POLI: variants seen among roughly 807,000 people sequenced by gnomAD.
POLI encodes the protein RAD30 homolog B.
POLI carries 58 observed loss-of-function variants against 51.6 expected under a neutral mutation model. That is an observed-to-expected ratio of 1.12 (90% CI 0.91 to 1.40). The LOEUF (loss-of-function observed/expected upper bound fraction) is 1.40, where lower values mean the gene tolerates loss of function less well. POLI is among the 40% of genes most tolerant of loss of function. POLI has a pLI of 0.00. For synonymous variants in POLI, 322 were observed against 299.7 expected, an observed-to-expected ratio of 1.07 and a Z score of -0.77; for missense variants, 921 against 871.3, an observed-to-expected ratio of 1.06 and a Z score of -0.72.
chr18:54,296,378 T>C lies in POLI; in HGVS notation c.*1911T>C. ...GTGGTTTTAAGTTAGTCTCAACATC[T>C]TTGGGCCTCAGAATCAACTTTTTTA... On this transcript the variant is annotated 3_prime_UTR_variant, in exon 10 of 10. Coordinates refer to ENST00000579534, the MANE Select transcript of POLI (RefSeq NM_007195.3). The C allele has an allele frequency of 1.0e-6, 1 of 984,916 alleles. No individual in the cohort carries two copies. Among genetic ancestry groups the C allele is most frequent in the Non-Finnish European group, 1.2e-6 (1 of 829,444 alleles). 61.0% of individuals were successfully genotyped at this position (984,916 alleles called of 1,614,324 possible).
At chr18:54,310,714 A>G (rs938801304) in intron 3 of POLI, among the ~76,000 whole-genome samples, 1 of 152,188 alleles carries the variant, frequency 6.6e-6, no homozygotes, top group Admixed American at 6.5e-5. Flanking sequence ...TTTTAAAAAT[A>G]TGTTAAAAGC....
Position 54,295,052 on chromosome 18 carries a change from A to T in POLI, c.*585A>T. On this transcript the variant is annotated 3_prime_UTR_variant, in exon 10 of 10. Transcript: ENST00000579534. ...AGCACACAAAGGCCGTTCAATAAACATTGAATGAATGAATGGTTTGGCTAG... is the reference window on the plus strand; with the variant it reads ...AGCACACAAAGGCCGTTCAATAAACTTTGAATGAATGAATGGTTTGGCTAG... 1.0e-6 allele frequency: 1 copy of T among 985,498 alleles called. No individual in the cohort carries two copies. The highest frequency in any genetic ancestry group is 1.7e-5 in the African/African-American group (1 of 57,344). The allele number at this position is 985,498 out of a possible 1,614,324, so 61.0% of individuals were successfully genotyped here. A position where few individuals can be genotyped will look rare whatever the true frequency, so the allele number is the denominator to read the frequency against.
chr18:54,295,101 A>T lies in POLI; in HGVS notation c.*634A>T. ...AGGGCCAGGGTGGGGAGTTAAAGTG[A>T]GAGGAGGGTATATGTTATAGAGAAC... On this transcript the variant is annotated 3_prime_UTR_variant, in exon 10 of 10. Transcript: ENST00000579534. The T allele has an allele frequency of 1.0e-6, 1 of 985,486 alleles. No homozygotes were observed. The highest frequency in any genetic ancestry group is 1.1e-4 in the East Asian group (1 of 8,812). The allele number at this position is 985,486 out of a possible 1,614,324, so 61.0% of individuals were successfully genotyped here.
intron 8 of POLI, among the ~76,000 whole-genome samples, chr18:54,290,291 G>A (rs1202145484): frequency 6.6e-5 from 10 of 152,162 alleles, no homozygotes; most frequent in Admixed American, 1.3e-4. Flanking sequence ...ACCAGCTCAT[G>A]CCAGTTAGAA....
chr18:54,317,924 C>G (rs2088755172), intron 3 of POLI, among the ~76,000 whole-genome samples: 1 of 152,028 alleles, frequency 6.6e-6, no homozygotes, highest in Admixed American at 6.6e-5. Context: ...TTAGATTCGC[C>G]AAAGCTATTA....
At chr18:54,287,178 C>G in intron 7 of POLI, 103 bp from the exon 8 acceptor site, 1 of 743,500 alleles carries the variant, frequency 1.3e-6, no homozygotes, top group Non-Finnish European at 2.2e-6. Context: ...GTATAATTGT[C>G]ATATTTAACA....
chr18:54,315,061 T>C (rs1220697827), intron 3 of POLI, among the ~76,000 whole-genome samples: 1 of 152,170 alleles, frequency 6.6e-6, no homozygotes, highest in Non-Finnish European at 1.5e-5. Context: ...TGTTAGATTA[T>C]TAATTTGAGA....
intron 2 of POLI, 69 bp from the exon 3 acceptor site, chr18:54,273,857 C>T (rs992095246): frequency 6.3e-5 from 51 of 804,036 alleles, no homozygotes; most frequent in South Asian, 6.8e-5. Context: ...AAATGTAATA[C>T]GGAATTAATA....
chr18:54,273,909 TA>T lies in POLI; in HGVS notation c.242-13del. On this transcript the variant is annotated splice_polypyrimidine_tract_variant and intron_variant, in intron 2 of 9. Transcript: ENST00000579534. ...TCTTCAATTGTGCTTGGGTTTCTCATAAAATATTTTTTACAGGGGTTCAACA... is the reference window on the plus strand; with the variant it reads ...TCTTCAATTGTGCTTGGGTTTCTCATAAATATTTTTTACAGGGGTTCAACA... 1.4e-6 allele frequency: 2 copies of T among 1,451,496 alleles called. No homozygotes were observed. The highest frequency in any genetic ancestry group is 1.8e-6 in the Non-Finnish European group (2 of 1,085,556). 89.9% of individuals were successfully genotyped at this position (1,451,496 alleles called of 1,614,324 possible).
chr18:54,303,237 A>G (rs919185522), intron 3 of POLI, among the ~76,000 whole-genome samples: 5 of 152,238 alleles, frequency 3.3e-5, no homozygotes, highest in Non-Finnish European at 4.4e-5. Flanking sequence ...TGCCCTAAGT[A>G]CCTAATTAGC....
chr18:54,311,331 G>A (rs969295664), intron 3 of POLI, among the ~76,000 whole-genome samples: 5 of 151,942 alleles, frequency 3.3e-5, no homozygotes, highest in Non-Finnish European at 7.4e-5. Flanking sequence ...ATCAGAAATG[G>A]CAATAAAATA....
intron 8 of POLI, chr18:54,287,653 C>T (rs1397584576): frequency 1.1e-5 from 3 of 277,788 alleles, no homozygotes; most frequent in African/African-American, 2.2e-5. Flanking sequence ...TGTGATAGCT[C>T]ACTGCAGCCT....
intron 3 of POLI, among the ~76,000 whole-genome samples, chr18:54,309,186 C>T (rs185436237): frequency 6.6e-6 from 1 of 152,196 alleles, no homozygotes; most frequent in East Asian, 1.9e-4. Flanking sequence ...AAATTTTCAG[C>T]TTTTCTGCTC....
At chr18:54,317,676 C>T (rs542532923) in intron 3 of POLI, among the ~76,000 whole-genome samples, 18 of 151,940 alleles carry the variant, frequency 1.2e-4, no homozygotes, top group Middle Eastern at 3.4e-3. Context: ...CCAGCCTAGG[C>T]AATACAGCAA....
chr18:54,283,088 AC>A, intron 6 of POLI, 73 bp downstream of exon 6: 1 of 964,818 alleles, frequency 1.0e-6, no homozygotes, highest in Non-Finnish European at 1.5e-6. Flanking sequence ...TAGTTTTAGT[AC>A]CATGTTCTTA....
intron 8 of POLI, 70 bp downstream of exon 8, chr18:54,287,481 A>C (rs2087802641): frequency 4.3e-6 from 5 of 1,169,790 alleles, no homozygotes; most frequent in African/African-American, 1.5e-5. Context: ...TGAATGAGAA[A>C]TATGCTCCAA....
chr18:54,313,168 G>C lies in POLI; in HGVS notation c.334-7105G>C, dbSNP rs569477323. ...GTCCAGTTGCATTCTTCTGCATATGGATAGCCAGTTATCCCAGCACCATGT... is the reference window on the plus strand; with the variant it reads ...GTCCAGTTGCATTCTTCTGCATATGCATAGCCAGTTATCCCAGCACCATGT... On this transcript the variant is annotated intron_variant, in intron 3 of 4. Transcript: ENST00000579823. 6.6e-5 allele frequency among the ~76,000 whole-genome samples: 10 copies of C among 152,238 alleles called. No homozygotes were observed. The East Asian group carries it at 1.5e-3, about 23-fold the overall frequency.
At chr18:54,315,116 C>G (rs888447578) in intron 3 of POLI, among the ~76,000 whole-genome samples, 10 of 152,078 alleles carry the variant, frequency 6.6e-5, no homozygotes, top group Non-Finnish European at 1.3e-4. Context: ...AAACTTTACT[C>G]TTATGACATT....
At chr18:54,276,975 T>G (rs933064777) in intron 3 of POLI, among the ~76,000 whole-genome samples, 7 of 152,242 alleles carry the variant, frequency 4.6e-5, no homozygotes, top group Non-Finnish European at 1.0e-4. Flanking sequence ...AGTGAAAAAC[T>G]TTCTCAATGA....
Sources: gnomAD v4.1 joint callset for allele counts (sites outside exome capture counted in the v4.1 genomes callset) on GRCh38, gnomAD v4.1.1 for gene constraint, MANE v1.5 for transcripts, NCBI Gene and HGNC (gene_info 2026-07-23, HGNC 2026-07-21) for gene names.